The following SMYD2 variants were observed in gnomAD, a reference collection of about 807,000 sequenced individuals.
SMYD2 encodes the protein SET and MYND domain containing 2, also known as N-lysine methyltransferase SMYD2.
Under a neutral mutation model 59.1 loss-of-function variants are expected in SMYD2, and 53 were observed. That is an observed-to-expected ratio of 0.90 (90% confidence interval 0.72 to 1.13). The LOEUF is 1.13. Ranked by LOEUF, SMYD2 falls within the 50% of genes most tolerant of loss-of-function variation. The pLI is 0.00. For synonymous variants in SMYD2, 208 were observed against 198.8 expected (o/e 1.05, Z -0.39); for missense variants, 494 against 544.7 (o/e 0.91, Z 0.93).
chr1:214,301,105 G>C (rs921443641), intron 1 of SMYD2, among the ~76,000 whole-genome samples: 22 of 152,196 alleles, frequency 1.4e-4, no homozygotes, highest in Non-Finnish European at 2.5e-4. Flanking sequence ...TTAAATTTTT[G>C]TAAGTCTCTT....
At chr1:214,281,532 C>G in intron 1 of SMYD2, 105 bp downstream of exon 1, 1 of 941,630 alleles carries the variant, frequency 1.1e-6, no homozygotes, top group Non-Finnish European at 1.3e-6. Context: ...GTCCTAGCGC[C>G]GGCCCTTGGG....
Position 214,327,833 on chromosome 1 carries a change from C to T in SMYD2, c.705+109C>T. On this transcript the variant is annotated intron_variant, in intron 7 of 11. Coordinates refer to ENST00000366957, the MANE Select transcript of SMYD2 (RefSeq NM_020197.3). The stretch of plus-strand genomic sequence containing the variant: ...ACTTGACAGTATGAGTTGTGAATGC[C>T]TCCAGCAGTTTAGCTGAGTCTGCCC... 3.3e-6 allele frequency: 3 copies of T among 912,234 alleles called. 1 individual carries two copies. The highest frequency in any genetic ancestry group is 3.0e-5 in the South Asian group (2 of 67,492). The allele number at this position is 912,234 out of a possible 1,614,324, so 56.5% of individuals were successfully genotyped here. A position where few individuals can be genotyped will look rare whatever the true frequency, so the allele number is the denominator to read the frequency against.
intron 1 of SMYD2, among the ~76,000 whole-genome samples, chr1:214,295,627 C>A (rs1558049507): frequency 6.6e-6 from 1 of 152,184 alleles, no homozygotes; most frequent in Non-Finnish European, 1.5e-5. Context: ...TAACTTTTAA[C>A]AAGCCTCAGA....
intron 2 of SMYD2, among the ~76,000 whole-genome samples, chr1:214,311,930 GGT>G (rs1279727932): frequency 6.6e-6 from 1 of 152,060 alleles, no homozygotes; most frequent in East Asian, 1.9e-4. Flanking sequence ...GTCCCCAGCT[GGT>G]AGGTCCCCAT....
intron 1 of SMYD2, among the ~76,000 whole-genome samples, chr1:214,282,616 A>G (rs1411604483): frequency 6.6e-6 from 1 of 152,150 alleles, no homozygotes; most frequent in East Asian, 1.9e-4. Context: ...TGTGTGCCTC[A>G]TTCTACAATA....
chr1:214,310,812 G>C (rs978728024), intron 2 of SMYD2, among the ~76,000 whole-genome samples: 1 of 152,062 alleles, frequency 6.6e-6, no homozygotes, highest in African/African-American at 2.4e-5. Context: ...AGTTGCCGCT[G>C]TCAGGTTCTT....
chr1:214,330,352 A>G, intron 8 of SMYD2, 74 bp downstream of exon 8: 1 of 1,018,524 alleles, frequency 9.8e-7, no homozygotes, highest in South Asian at 1.6e-5. Flanking sequence ...AGCTTGTCTG[A>G]CTTGGCGGAT....
intron 1 of SMYD2, among the ~76,000 whole-genome samples, chr1:214,296,032 C>G (rs1331447332): frequency 6.6e-6 from 1 of 152,210 alleles, no homozygotes; most frequent in Non-Finnish European, 1.5e-5. Flanking sequence ...GTCACTTCTT[C>G]TGTCACCATT....
chr1:214,319,227 C>A (rs1051396440), intron 5 of SMYD2, among the ~76,000 whole-genome samples: 2 of 152,148 alleles, frequency 1.3e-5, no homozygotes, highest in Non-Finnish European at 2.9e-5. Flanking sequence ...GCCTCTGCCT[C>A]ACAAAGAGTT....
chr1:214,300,884 G>C (rs1467494871), intron 1 of SMYD2, among the ~76,000 whole-genome samples: 2 of 152,132 alleles, frequency 1.3e-5, no homozygotes, highest in African/African-American at 4.8e-5. Context: ...AAACTTTCTG[G>C]TTTCAGGGTC....
At chr1:214,282,418 A>G (rs1405321326) in intron 1 of SMYD2, among the ~76,000 whole-genome samples, 1 of 152,226 alleles carries the variant, frequency 6.6e-6, no homozygotes, top group Non-Finnish European at 1.5e-5. Context: ...GGCAGGAGGC[A>G]TGGCATTGGG....
intron 2 of SMYD2, among the ~76,000 whole-genome samples, chr1:214,308,735 A>G (rs535711496): frequency 3.9e-4 from 59 of 152,272 alleles, no homozygotes; most frequent in African/African-American, 1.3e-3. Flanking sequence ...ATCGAGTTCA[A>G]TATGTCAGTA....
At chr1:214,330,851 G>T in intron 8 of SMYD2, 99 bp from the exon 9 acceptor site, 4 of 1,564,990 alleles carry the variant, frequency 2.6e-6, no homozygotes, top group Non-Finnish European at 3.5e-6. Context: ...ATGGGCCAGT[G>T]TCGACCGCTG....
chr1:214,335,702 C>T (rs1034589017), intron 11 of SMYD2, among the ~76,000 whole-genome samples: 2 of 152,094 alleles, frequency 1.3e-5, no homozygotes, highest in African/African-American at 2.4e-5. Flanking sequence ...AATTAACAAC[C>T]CTGAGAGGTA....
intron 5 of SMYD2, 50 bp downstream of exon 5, chr1:214,319,033 A>G (rs762670696): frequency 1.2e-6 from 2 of 1,600,928 alleles, no homozygotes; most frequent in South Asian, 2.2e-5. Flanking sequence ...TCCCTCTCCA[A>G]GGCCCTCTCC....
intron 1 of SMYD2, among the ~76,000 whole-genome samples, chr1:214,288,136 C>A (rs573560713): frequency 6.6e-6 from 1 of 152,148 alleles, no homozygotes; most frequent in Non-Finnish European, 1.5e-5. Context: ...CTTTCCCTCC[C>A]GAAGCAATTG....
chr1:214,336,072 T>A (rs1446391072), intron 11 of SMYD2, among the ~76,000 whole-genome samples: 2 of 152,058 alleles, frequency 1.3e-5, no homozygotes, highest in Non-Finnish European at 2.9e-5. Context: ...ATCAAAAAAA[T>A]TAGTCCTTAA....
intron 5 of SMYD2, 129 bp from the exon 6 acceptor site, chr1:214,324,512 G>GA: frequency 1.3e-6 from 1 of 762,952 alleles, no homozygotes; most frequent in Non-Finnish European, 2.1e-6. Context: ...ATGGGCAAAA[G>GA]AAAGGGTTTA....
intron 2 of SMYD2, among the ~76,000 whole-genome samples, chr1:214,309,421 G>T (rs1044518611): frequency 2.5e-4 from 38 of 152,282 alleles, no homozygotes; most frequent in African/African-American, 9.1e-4. Context: ...GTTTTAGAAA[G>T]TTGTTATATA....
Sources: allele counts gnomAD v4.1 joint callset (sites outside exome capture counted in the v4.1 genomes callset), GRCh38; gene constraint gnomAD v4.1.1; transcripts MANE v1.5; gene names NCBI Gene and HGNC (gene_info 2026-07-23, HGNC 2026-07-21).